Variants in BTBD9 observed in about 807,000 individuals in gnomAD.
BTBD9 encodes the protein BTB domain containing 9, also known as BTB/POZ domain-containing protein 9.
BTBD9 carries 49 observed loss-of-function variants against 64.3 expected under a neutral mutation model. The observed-to-expected ratio is 0.76, with a 90% CI of 0.61 to 0.97. The LOEUF (loss-of-function observed/expected upper bound fraction) is 0.97. Among genes scored for constraint, BTBD9 ranks in the 50% least tolerant of loss-of-function variants. The pLI, the probability that BTBD9 is intolerant of heterozygous loss-of-function variation, is 0.00. For missense variants in BTBD9, 598 were observed against 762.1 expected (o/e 0.78, Z 2.53); for synonymous variants, 260 against 274.7 (o/e 0.95, Z 0.53).
intron 9 of BTBD9, among the ~76,000 whole-genome samples, chr6:38,252,220 C>T (rs1764426815): frequency 6.6e-6 from 1 of 152,134 alleles, no homozygotes; most frequent in South Asian, 2.1e-4. Context: ...AGGTAGAATG[C>T]TATCAAGAGG....
intron 6 of BTBD9, among the ~76,000 whole-genome samples, chr6:38,488,674 G>T (rs1278875427): frequency 6.6e-6 from 1 of 152,180 alleles, no homozygotes; most frequent in Non-Finnish European, 1.5e-5. Flanking sequence ...TGCAAAGAAT[G>T]TGTGATCTGA....
At chr6:38,435,496 GA>G (rs1027393480) in intron 6 of BTBD9, among the ~76,000 whole-genome samples, 6 of 151,520 alleles carry the variant, frequency 4.0e-5, no homozygotes, top group African/African-American at 1.2e-4. Flanking sequence ...AAAAAGTCTA[GA>G]ACACACTAGA....
intron 8 of BTBD9, among the ~76,000 whole-genome samples, chr6:38,281,718 C>T (rs926791107): frequency 6.6e-6 from 1 of 151,992 alleles, no homozygotes; most frequent in Non-Finnish European, 1.5e-5. Context: ...GTTTTTGTGT[C>T]ATTAACTTCT....
chr6:38,219,124 CTTTTCTTTTTT>C (rs965846321), intron 9 of BTBD9, among the ~76,000 whole-genome samples: 1 of 101,874 alleles, frequency 9.8e-6, no homozygotes, highest in African/African-American at 3.5e-5. Context: ...CTATCACTTT[CTTTTCTTTTTT>C]TTTTTTTTTT....
At chr6:38,325,213 A>G (rs1281105873) in intron 7 of BTBD9, among the ~76,000 whole-genome samples, 1 of 152,228 alleles carries the variant, frequency 6.6e-6, no homozygotes, top group Non-Finnish European at 1.5e-5. Flanking sequence ...TATAGATTTT[A>G]CAAGAATAGG....
chr6:38,602,792 C>A (rs1321122293), intron 1 of BTBD9, among the ~76,000 whole-genome samples: 1 of 151,114 alleles, frequency 6.6e-6, no homozygotes, highest in Non-Finnish European at 1.5e-5. Context: ...ATTATCTCCA[C>A]AGAGAAAAAG....
intron 4 of BTBD9, among the ~76,000 whole-genome samples, chr6:38,591,009 T>C (rs1240644341): frequency 1.3e-5 from 2 of 152,182 alleles, no homozygotes; most frequent in Non-Finnish European, 2.9e-5. Context: ...ACAGATTAAA[T>C]ACTCTCCTCA....
intron 6 of BTBD9, among the ~76,000 whole-genome samples, chr6:38,381,005 T>C (rs893922637): frequency 6.6e-6 from 1 of 150,888 alleles, no homozygotes; most frequent in East Asian, 1.9e-4. Flanking sequence ...TAAGAGGGGG[T>C]CAGAAACCAG....
chr6:38,453,399 A>G (rs1330777793), intron 6 of BTBD9, among the ~76,000 whole-genome samples: 1 of 151,986 alleles, frequency 6.6e-6, no homozygotes, highest in African/African-American at 2.4e-5. Context: ...TTCAAATGAA[A>G]CTCCGTTCTC....
intron 7 of BTBD9, among the ~76,000 whole-genome samples, chr6:38,309,830 A>G (rs924964842): frequency 2.0e-5 from 3 of 151,960 alleles, no homozygotes; most frequent in African/African-American, 4.8e-5. Flanking sequence ...AAATGCATCA[A>G]TAACTATAAA....
At chr6:38,464,740 C>A (rs1273545602) in intron 6 of BTBD9, among the ~76,000 whole-genome samples, 3 of 152,190 alleles carry the variant, frequency 2.0e-5, no homozygotes, top group African/African-American at 4.8e-5. Context: ...AGGTGATCTG[C>A]CTGCCTCAGT....
intron 6 of BTBD9, among the ~76,000 whole-genome samples, chr6:38,461,231 G>T (rs989819138): frequency 6.6e-6 from 1 of 152,102 alleles, no homozygotes; most frequent in East Asian, 1.9e-4. Context: ...GTTAATTTTT[G>T]ACCTGTAAAA....
chr6:38,249,823 G>GTAAA (rs1764331764), intron 9 of BTBD9, among the ~76,000 whole-genome samples: 1 of 151,730 alleles, frequency 6.6e-6, no homozygotes, highest in South Asian at 2.1e-4. Context: ...TCAACAACGG[G>GTAAA]TAAATGTGGA....
In BTBD9 at chr6:38,567,382, G is replaced by A. The variant is rs77745426; in HGVS notation, c.1154+10218C>T. On this transcript the variant is annotated intron_variant, in intron 6 of 10. Coordinates refer to ENST00000481247, the MANE Select transcript of BTBD9 (RefSeq NM_001099272.2). ...TGTGTATATATGACCCATATTATTT[G>A]GAAGAAGAATTATTAACTAATGAAA... is the stretch of plus-strand genomic sequence containing the variant. 6.3e-3 allele frequency among the ~76,000 whole-genome samples: 956 copies of A among 152,200 alleles called. 9 individuals are homozygous for A. Among genetic ancestry groups the A allele is most frequent in the African/African-American group, 0.022 (896 of 41,512 alleles).
intron 9 of BTBD9, among the ~76,000 whole-genome samples, chr6:38,215,519 T>C (rs1436794066): frequency 1.3e-5 from 2 of 152,204 alleles, no homozygotes; most frequent in Non-Finnish European, 2.9e-5. Context: ...CTGGATGACG[T>C]CGCACATACC....
intron 6 of BTBD9, among the ~76,000 whole-genome samples, chr6:38,405,865 C>T (rs773568743): frequency 6.6e-6 from 1 of 152,158 alleles, no homozygotes; most frequent in Non-Finnish European, 1.5e-5. Flanking sequence ...TAGAATAATT[C>T]TCCATGTCAG....
chr6:38,302,197 T>G (rs909217184), intron 7 of BTBD9, among the ~76,000 whole-genome samples: 5 of 152,114 alleles, frequency 3.3e-5, no homozygotes, highest in African/African-American at 1.2e-4. Context: ...ACAGTCAACC[T>G]ACTGTGCAAC....
intron 6 of BTBD9, among the ~76,000 whole-genome samples, chr6:38,530,456 C>T (rs185937351): frequency 6.6e-6 from 1 of 152,290 alleles, no homozygotes; most frequent in East Asian, 1.9e-4. Context: ...TGGTCTGAGA[C>T]TCAGGTGGGC....
At chr6:38,305,375 T>C (rs550284428) in intron 7 of BTBD9, among the ~76,000 whole-genome samples, 1 of 152,334 alleles carries the variant, frequency 6.6e-6, no homozygotes, top group South Asian at 2.1e-4. Context: ...TCACTCATGG[T>C]AGACTAAAAT....
Sources: gnomAD v4.1 joint callset for allele counts (sites outside exome capture counted in the v4.1 genomes callset) on GRCh38, gnomAD v4.1.1 for gene constraint, MANE v1.5 for transcripts, NCBI Gene and HGNC (gene_info 2026-07-23, HGNC 2026-07-21) for gene names.